The following SHISAL1 variants were observed in gnomAD, a reference collection of about 807,000 sequenced individuals.
The protein encoded by SHISAL1 is protein shisa-like-1.
In SHISAL1, 9 loss-of-function variants were observed where a neutral mutation model predicts 22.6. That is an observed-to-expected ratio of 0.40 (90% CI 0.24 to 0.70). SHISAL1 has a LOEUF of 0.70. Among genes scored for constraint, SHISAL1 ranks in the 30% least tolerant of loss-of-function variants. SHISAL1 has a pLI of 0.39. For missense variants in SHISAL1, 246 were observed against 270.6 expected, an observed-to-expected ratio of 0.91 and a Z score of 0.64; for synonymous variants, 119 against 115.4, an observed-to-expected ratio of 1.03 and a Z score of -0.20.
Position 44,310,166 on chromosome 22 carries a change from G to A in SHISAL1, c.-33+2585C>T, listed in dbSNP as rs567796649. Among the ~76,000 whole-genome samples the A allele has an allele frequency of 3.2e-4, 48 of 152,294 alleles. No individual in the cohort carries two copies. Among genetic ancestry groups the A allele is most frequent in the African/African-American group, 5.8e-4 (24 of 41,560 alleles). On this transcript the variant is annotated intron_variant, in intron 1 of 4. Transcript: ENST00000381176. This position sits in a 1 kb window ranked among gnomAD's most constrained non-coding sequence, Gnocchi z 4.0. ...CTGACCTGATGCCTAGCCCTGCAGC[G>A]GTCACATCCCCGAACCCAGCCCTGC...
At chr22:44,329,002 G>A in the SHISAL1 span, among the ~76,000 whole-genome samples, 3 of 152,206 alleles carry the variant, frequency 2.0e-5, no homozygotes, top group Admixed American at 2.0e-4. Context: ...TGTCATTCTG[G>A]ACCAAGCTCC....
intron 3 of SHISAL1, among the ~76,000 whole-genome samples, chr22:44,293,372 C>G (rs930406788): frequency 6.6e-6 from 1 of 152,202 alleles, no homozygotes; most frequent in Non-Finnish European, 1.5e-5. Context: ...TCTGTGCCCC[C>G]GCATTTGGCA....
intron 3 of SHISAL1, among the ~76,000 whole-genome samples, chr22:44,294,276 C>A (rs1472409309): frequency 6.6e-6 from 1 of 152,148 alleles, no homozygotes; most frequent in Admixed American, 6.5e-5. Context: ...AAGGGAAGCA[C>A]CCGTGCATTT....
chr22:44,325,029 G>A, the SHISAL1 span, among the ~76,000 whole-genome samples: 1 of 152,162 alleles, frequency 6.6e-6, no homozygotes, highest in Non-Finnish European at 1.5e-5. Flanking sequence ...GATCATCTGA[G>A]GTCAGGAGTT....
Position 44,291,144 on chromosome 22 carries a change from G to A in SHISAL1, c.282-5399C>T, listed in dbSNP as rs187309835. ...GCAGAAGCTTAGAGACACGACGTGT[G>A]TGGCTTCACCACTGCCTTCTCCTTC... is the stretch of plus-strand genomic sequence containing the variant. On this transcript the variant is annotated intron_variant, in intron 3 of 4. Transcript: ENST00000381176. Among the ~76,000 whole-genome samples, 162 of 152,350 alleles carry A rather than the reference G, an allele frequency of 1.1e-3. 1 individual carries two copies. Among genetic ancestry groups the A allele is most frequent in the African/African-American group, 3.8e-3 (158 of 41,586 alleles).
At chr22:44,279,212 G>A (rs1160826415) in intron 4 of SHISAL1, among the ~76,000 whole-genome samples, 3 of 152,154 alleles carry the variant, frequency 2.0e-5, no homozygotes, top group Non-Finnish European at 2.9e-5. Flanking sequence ...AGGAGGGAAC[G>A]CGCGCCTTCT....
the SHISAL1 span, among the ~76,000 whole-genome samples, chr22:44,322,534 GT>G: frequency 6.6e-6 from 1 of 152,218 alleles, no homozygotes; most frequent in East Asian, 1.9e-4. Flanking sequence ...TTGACTTTCA[GT>G]TTGACTTTAC....
chr22:44,304,076 C>G (rs2055453190), intron 1 of SHISAL1, among the ~76,000 whole-genome samples: 1 of 152,240 alleles, frequency 6.6e-6, no homozygotes. Context: ...CATGCCCAGA[C>G]TGTCCTGGCA....
chr22:44,258,898 G>T (rs1398884906), intron 4 of SHISAL1, among the ~76,000 whole-genome samples: 3 of 147,976 alleles, frequency 2.0e-5, no homozygotes, highest in African/African-American at 7.3e-5. Flanking sequence ...GTGGAGGGTT[G>T]GGGGGTCAGG....
chr22:44,285,837 T>C (rs1032148353), intron 3 of SHISAL1, 92 bp from the exon 4 acceptor site: 7 of 1,129,410 alleles, frequency 6.2e-6, no homozygotes, highest in Non-Finnish European at 9.1e-6. Context: ...GAATGTGTCC[T>C]GGGGCTATGT....
At chr22:44,318,299 T>C in the SHISAL1 span, among the ~76,000 whole-genome samples, 1 of 152,274 alleles carries the variant, frequency 6.6e-6, no homozygotes, top group Non-Finnish European at 1.5e-5. Context: ...GAAGTCTAAT[T>C]AGTGTGCTGT....
At chr22:44,300,123 A>G (rs915841835) in intron 2 of SHISAL1, among the ~76,000 whole-genome samples, 2 of 142,886 alleles carry the variant, frequency 1.4e-5, no homozygotes, top group Non-Finnish European at 1.5e-5. Flanking sequence ...AGAGACAGAG[A>G]CAGAGAGACA....
intron 3 of SHISAL1, among the ~76,000 whole-genome samples, chr22:44,296,116 C>T (rs769851688): frequency 4.6e-5 from 7 of 152,100 alleles, no homozygotes; most frequent in Non-Finnish European, 8.8e-5. Context: ...CTATGGTAAC[C>T]CTGCAAAGTG....
upstream of SHISAL1, among the ~76,000 whole-genome samples, chr22:44,317,276 TGCACCGACGAGCAGG>T: frequency 6.6e-6 from 1 of 152,258 alleles, no homozygotes; most frequent in Middle Eastern, 3.4e-3. Flanking sequence ...GATCAGCTGC[TGCACCGACGAGCAGG>T]GCCCGGCCAG....
rs2055029719 is a variant in SHISAL1, at chr22:44,249,317, T to A, written c.*368A>T. 2.7e-5 allele frequency: 6 copies of A among 224,688 alleles called. No homozygotes were observed. The South Asian group carries it at 6.3e-4, about 24-fold the overall frequency. The allele number at this position is 224,688 out of a possible 1,614,324, so 13.9% of individuals were successfully genotyped here. ...GGAGCAGGGGCAAGGGAAGCTTCGG[T>A]TTTCAACCACAGGTATAACTCACAG... On this transcript the variant is annotated 3_prime_UTR_variant, in exon 5 of 5. Transcript: ENST00000381176.
chr22:44,304,283 C>CGAG (rs58049244), intron 1 of SHISAL1, among the ~76,000 whole-genome samples: 140,106 of 152,146 alleles, frequency 0.92, 64,564 homozygotes, highest in East Asian at 1. Flanking sequence ...GACTTCGGAG[C>CGAG]GAGATGGGGC....
Position 44,302,167 on chromosome 22 carries a change from G to A in SHISAL1, c.-32-1190C>T, listed in dbSNP as rs1363358430. Among the ~76,000 whole-genome samples the A allele has an allele frequency of 2.6e-5, 4 of 151,960 alleles. No individual in the cohort carries two copies. The East Asian group carries it at 5.8e-4, about 22-fold the overall frequency. On this transcript the variant is annotated intron_variant, in intron 1 of 4. Coordinates refer to ENST00000381176, the MANE Select transcript of SHISAL1 (RefSeq NM_001099294.2). Reference sequence around the variant, plus strand: ...ACCAGCCTGACCAACCTGGACAAACGCTGTCTCTACGAAAAATACAAAATT... The same window carrying A: ...ACCAGCCTGACCAACCTGGACAAACACTGTCTCTACGAAAAATACAAAATT...
rs11912780 is a variant in SHISAL1 at position 44,261,432 on chromosome 22, A to G, written c.*-11747T>C. ...CCACAGGCCTTTTGTAACACCCTGT[A>G]CCACACAGCACTGCAGAGTCCCATG... On this transcript the variant is annotated intron_variant, in intron 4 of 4. Coordinates refer to ENST00000381176, the MANE Select transcript of SHISAL1 (RefSeq NM_001099294.2). Among the ~76,000 whole-genome samples, 498 of 152,244 alleles carry G rather than the reference A, an allele frequency of 3.3e-3. 2 individuals carry two copies. The highest frequency in any genetic ancestry group is 0.011 in the African/African-American group (475 of 41,540).
At chr22:44,330,354 G>A in the SHISAL1 span, among the ~76,000 whole-genome samples, 3 of 152,246 alleles carry the variant, frequency 2.0e-5, no homozygotes, top group African/African-American at 7.2e-5. Context: ...GAGTCCCTGT[G>A]TGGGGCACTT....
Sources: allele counts gnomAD v4.1 joint callset (sites outside exome capture counted in the v4.1 genomes callset), GRCh38; gene constraint gnomAD v4.1.1; non-coding constraint Gnocchi (gnomAD v3.1); transcripts MANE v1.5; gene names NCBI Gene and HGNC (gene_info 2026-07-23, HGNC 2026-07-21).